Variants in TENM2 observed in about 807,000 individuals in gnomAD.
The protein encoded by TENM2 is teneurin-2.
TENM2 carries 52 observed loss-of-function variants against 245.2 expected under a neutral mutation model. That is an observed-to-expected ratio of 0.21 (90% CI 0.17 to 0.27). The LOEUF (loss-of-function observed/expected upper bound fraction) is 0.27, where lower values mean the gene tolerates loss of function less well. TENM2 is among the 10% of genes least tolerant of loss of function. The probability of loss-of-function intolerance (pLI) is 1.00; values close to 1 mark genes in which losing one functional copy is unlikely to be tolerated. For synonymous variants in TENM2, 1,363 were observed against 1,438.9 expected (o/e 0.95, Z 1.19); for missense variants, 3,046 against 3,666.8 (o/e 0.83, Z 4.37).
In TENM2 at chr5:167,963,072, A is replaced by G. The variant is rs1000309560; in HGVS notation, c.947+10250A>G. On this transcript the variant is annotated intron_variant, in intron 4 of 28. Coordinates refer to ENST00000518659, the Ensembl canonical transcript of TENM2. ...TACATAAGCAAAAAGATAGTTCAAC[A>G]TATACAGTAATGGAAGTCTAAAAGT... is the stretch of plus-strand genomic sequence containing the variant. 2.6e-5 allele frequency among the ~76,000 whole-genome samples: 4 copies of G among 152,198 alleles called. 1 individual carries two copies. The highest frequency in any genetic ancestry group is 1.9e-4 in the East Asian group (1 of 5,192).
chr5:167,088,511 C>A, the TENM2 span, among the ~76,000 whole-genome samples: 2 of 151,936 alleles, frequency 1.3e-5, no homozygotes, highest in African/African-American at 4.8e-5. Context: ...CTTGTAATCC[C>A]AGCTACTCAA....
the TENM2 span, among the ~76,000 whole-genome samples, chr5:167,261,081 T>C: frequency 6.6e-6 from 1 of 152,154 alleles, no homozygotes; most frequent in Non-Finnish European, 1.5e-5. Flanking sequence ...CAGCATTACT[T>C]GGAAATTTGT....
chr5:167,929,304 T>A (rs1319293895), intron 3 of TENM2, among the ~76,000 whole-genome samples: 1 of 152,054 alleles, frequency 6.6e-6, no homozygotes, highest in Non-Finnish European at 1.5e-5. Flanking sequence ...ATTCCTAGAC[T>A]GTTTAAAGAG....
intron 2 of TENM2, among the ~76,000 whole-genome samples, chr5:167,510,655 AAG>A (rs1385025344): frequency 6.6e-6 from 1 of 152,034 alleles, no homozygotes; most frequent in Admixed American, 6.6e-5. Flanking sequence ...GAAGGAAAGA[AAG>A]AGAAAGGAAA....
intron 5 of TENM2, among the ~76,000 whole-genome samples, chr5:168,003,877 G>A (rs904743424): frequency 2.6e-5 from 4 of 152,212 alleles, no homozygotes; most frequent in African/African-American, 9.6e-5. Context: ...TATATTTCAA[G>A]TATAGTATGA....
At chr5:167,894,961 GGAAGGAAGGAAGGAAGGAAGGAAGGAA>G (rs1561906625) in intron 3 of TENM2, among the ~76,000 whole-genome samples, 20 of 128,998 alleles carry the variant, frequency 1.6e-4, no homozygotes, top group African/African-American at 5.4e-4. Flanking sequence ...AAGGAAGGAA[GGAAGGAAGGAAGGAAGGAAGGAAGGAA>G]GGAGGGAAGG....
chr5:168,112,611 G>GGGGA (rs890159564), intron 9 of TENM2, among the ~76,000 whole-genome samples: 6 of 129,146 alleles, frequency 4.6e-5, no homozygotes, highest in Admixed American at 2.3e-4. Context: ...GTGGGCGGGG[G>GGGGA]GGGGGTCAAA....
At chr5:168,174,680 C>A (rs1759182201) in intron 13 of TENM2, among the ~76,000 whole-genome samples, 1 of 152,198 alleles carries the variant, frequency 6.6e-6, no homozygotes, top group Non-Finnish European at 1.5e-5. Context: ...AGGGATTCCT[C>A]CGAGCGTGTC....
chr5:167,521,757 A>G (rs183725586), intron 2 of TENM2, among the ~76,000 whole-genome samples: 13 of 152,220 alleles, frequency 8.5e-5, no homozygotes, highest in African/African-American at 3.1e-4. Context: ...TGACTTGACC[A>G]CCTAAGGCTT....
At chr5:168,079,560 G>T (rs1410182717) in intron 7 of TENM2, among the ~76,000 whole-genome samples, 1 of 152,186 alleles carries the variant, frequency 6.6e-6, no homozygotes, top group Non-Finnish European at 1.5e-5. Context: ...GATATTGGCT[G>T]TGGGTTTGTC....
chr5:167,954,515 G>A (rs984317863), intron 4 of TENM2, among the ~76,000 whole-genome samples: 1 of 152,072 alleles, frequency 6.6e-6, no homozygotes, highest in Non-Finnish European at 1.5e-5. Context: ...TGTGCAGAAC[G>A]TGCAGGTTCG....
the TENM2 span, among the ~76,000 whole-genome samples, chr5:167,167,992 C>A: frequency 6.6e-6 from 1 of 152,140 alleles, no homozygotes; most frequent in Non-Finnish European, 1.5e-5. Context: ...AGAGGGAGGG[C>A]AGCTAAGCAT....
chr5:167,134,098 A>G, the TENM2 span, among the ~76,000 whole-genome samples: 2 of 152,224 alleles, frequency 1.3e-5, no homozygotes, highest in Non-Finnish European at 2.9e-5. Context: ...TTTAACAAAG[A>G]TAACAGTGAC....
At chr5:167,378,771 C>T (rs773532224) in intron 2 of TENM2, among the ~76,000 whole-genome samples, 6 of 151,818 alleles carry the variant, frequency 4.0e-5, no homozygotes, top group Non-Finnish European at 8.8e-5. Context: ...TAATTGCCTC[C>T]TTAAAGATGC....
At chr5:168,180,125 C>G (rs1203290555) in intron 13 of TENM2, among the ~76,000 whole-genome samples, 3 of 152,192 alleles carry the variant, frequency 2.0e-5, no homozygotes, top group Non-Finnish European at 4.4e-5. Context: ...GAGACTGCCA[C>G]TTGTGACTAT....
At chr5:167,241,546 A>G in the TENM2 span, among the ~76,000 whole-genome samples, 5 of 152,218 alleles carry the variant, frequency 3.3e-5, no homozygotes, top group Admixed American at 6.5e-5. Flanking sequence ...CACGTACGAT[A>G]TAATCAAGGA....
chr5:168,023,231 CA>C (rs1456608131), intron 5 of TENM2, among the ~76,000 whole-genome samples: 1 of 152,202 alleles, frequency 6.6e-6, no homozygotes, highest in Non-Finnish European at 1.5e-5. Context: ...AGGCCTTGGG[CA>C]AATTCATTTG....
the TENM2 span, among the ~76,000 whole-genome samples, chr5:167,236,676 T>A: frequency 6.6e-6 from 1 of 152,184 alleles, no homozygotes; most frequent in African/African-American, 2.4e-5. Context: ...TCTGGGAATG[T>A]GCATAAGGTG....
chr5:168,199,779 A>G, intron 16 of TENM2, 85 bp from the exon 19 acceptor site: 1 of 1,429,128 alleles, frequency 7.0e-7, no homozygotes. Flanking sequence ...TCAGTGAGGG[A>G]CATAGCAGAC....
Sources: allele counts gnomAD v4.1 joint callset (sites outside exome capture counted in the v4.1 genomes callset), GRCh38; gene constraint gnomAD v4.1.1; transcripts MANE v1.5; gene names NCBI Gene and HGNC (gene_info 2026-07-23, HGNC 2026-07-21).